Variants in RCOR3 observed in about 807,000 individuals in gnomAD.
The protein encoded by RCOR3 is REST corepressor 3.
Under a neutral mutation model 64.1 loss-of-function variants are expected in RCOR3, and 13 were observed. That is an observed-to-expected ratio of 0.20 (90% CI 0.13 to 0.32). The LOEUF (loss-of-function observed/expected upper bound fraction) is 0.32. Among genes scored for constraint, RCOR3 ranks in the 10% least tolerant of loss-of-function variants. The pLI is 1.00. For synonymous variants in RCOR3, 215 were observed against 239.0 expected (o/e 0.90, Z 0.93); for missense variants, 489 against 701.2 (o/e 0.70, Z 3.42).
At chr1:211,271,802 G>T (rs1056022571) in intron 3 of RCOR3, 7 of 231,134 alleles carry the variant, frequency 3.0e-5, no homozygotes, top group Middle Eastern at 1.9e-3. Flanking sequence ...TTGAATCATG[G>T]TGTGGCTTTA....
chr1:211,259,924 GC>G (rs1166189134), intron 1 of RCOR3, 183 bp from the exon 2 acceptor site: 859 of 455,666 alleles, frequency 1.9e-3, no homozygotes, highest in East Asian at 2.6e-3. Context: ...CTCCGCCTTT[GC>G]CCCCCCCCGC....
chr1:211,310,126 G>A (rs768501591), intron 10 of RCOR3, among the ~76,000 whole-genome samples: 1 of 152,148 alleles, frequency 6.6e-6, no homozygotes, highest in Non-Finnish European at 1.5e-5. Flanking sequence ...CAGCATTGTA[G>A]TAATGCTAGT....
chr1:211,264,903 A>G (rs995912034), intron 2 of RCOR3, among the ~76,000 whole-genome samples: 31 of 152,192 alleles, frequency 2.0e-4, no homozygotes, highest in South Asian at 4.1e-4. Context: ...TACTTACATC[A>G]TGAGGAACAA....
intron 10 of RCOR3, among the ~76,000 whole-genome samples, chr1:211,311,916 T>C (rs1423221918): frequency 6.6e-6 from 1 of 152,152 alleles, no homozygotes; most frequent in African/African-American, 2.4e-5. Flanking sequence ...GAAACTTCCT[T>C]AGTGTAAAGT....
In RCOR3 at chr1:211,259,457, C is replaced by T; in HGVS notation, c.-104C>T. Reference sequence around the variant, plus strand: ...CCTCCTCCTCCGCCGCCGCCGCCGTCTCCTCCTCCTCCTCCTTTCCCTCCC... The same window carrying T: ...CCTCCTCCTCCGCCGCCGCCGCCGTTTCCTCCTCCTCCTCCTTTCCCTCCC... On this transcript the variant is annotated 5_prime_UTR_variant, in exon 1 of 12. Coordinates refer to ENST00000419091, the MANE Select transcript of RCOR3 (RefSeq NM_001136223.3). The T allele has an allele frequency of 1.1e-6, 1 of 915,700 alleles. No individual in the cohort carries two copies. The highest frequency in any genetic ancestry group is 1.5e-6 in the Non-Finnish European group (1 of 647,684). The allele number at this position is 915,700 out of a possible 1,614,324, so 56.7% of individuals were successfully genotyped here. A position where few individuals can be genotyped will look rare whatever the true frequency, so the allele number is the denominator to read the frequency against.
intron 3 of RCOR3, among the ~76,000 whole-genome samples, chr1:211,273,957 T>C (rs1696603179): frequency 3.3e-5 from 5 of 152,140 alleles, no homozygotes; most frequent in Admixed American, 3.3e-4. Context: ...AAAAATACAG[T>C]AATGTCATTG....
intron 8 of RCOR3, 113 bp downstream of exon 8, chr1:211,289,509 T>C (rs1432338183): frequency 5.0e-6 from 4 of 797,930 alleles, no homozygotes; most frequent in Admixed American, 2.8e-5. Context: ...CATCCACTTA[T>C]GCAGGTTTCA....
intron 10 of RCOR3, among the ~76,000 whole-genome samples, chr1:211,310,862 G>A (rs1701406806): frequency 6.6e-6 from 1 of 152,108 alleles, no homozygotes; most frequent in Non-Finnish European, 1.5e-5. Flanking sequence ...CTTATTTAAG[G>A]TTTTCACTTC....
Position 211,285,953 on chromosome 1 carries a change from G to A in RCOR3, c.721-3225G>A, listed in dbSNP as rs927849519. 5.3e-5 allele frequency among the ~76,000 whole-genome samples: 8 copies of A among 152,140 alleles called. No individual in the cohort carries two copies. The East Asian group carries it at 1.5e-3, about 29-fold the overall frequency. The stretch of plus-strand genomic sequence containing the variant: ...CTCTTTTATTGGCTTCTGCCTTGAA[G>A]ATTATTTTATCTGTTATGTTGATAG... On this transcript the variant is annotated intron_variant, in intron 7 of 11. Transcript: ENST00000419091.
At chr1:211,275,504 CTATTTA>C (rs889122215) in intron 4 of RCOR3, among the ~76,000 whole-genome samples, 1 of 152,036 alleles carries the variant, frequency 6.6e-6, no homozygotes, top group Non-Finnish European at 1.5e-5. Flanking sequence ...AACAAACTCA[CTATTTA>C]TAAAGTTCCT....
chr1:211,280,558 A>G (rs774911601), intron 7 of RCOR3, among the ~76,000 whole-genome samples: 5 of 152,156 alleles, frequency 3.3e-5, no homozygotes, highest in Non-Finnish European at 5.9e-5. Flanking sequence ...TTCTTTTCCT[A>G]TACAATTTCA....
At chr1:211,281,912 ATT>A (rs1275529322) in intron 7 of RCOR3, among the ~76,000 whole-genome samples, 1 of 152,126 alleles carries the variant, frequency 6.6e-6, no homozygotes. Flanking sequence ...GCAAGAATAT[ATT>A]TTAACTATTT....
At chr1:211,304,360 G>T (rs1700660088) in intron 10 of RCOR3, among the ~76,000 whole-genome samples, 1 of 152,136 alleles carries the variant, frequency 6.6e-6, no homozygotes, top group Non-Finnish European at 1.5e-5. Context: ...TGCATTCTCA[G>T]CACTAAATAA....
intron 2 of RCOR3, among the ~76,000 whole-genome samples, chr1:211,260,536 A>G (rs899752613): frequency 1.3e-5 from 2 of 152,272 alleles, no homozygotes; most frequent in African/African-American, 4.8e-5. Flanking sequence ...GCAAATGTCA[A>G]TTGCCACCTC....
At chr1:211,270,994 A>G (rs1337183113) in intron 2 of RCOR3, among the ~76,000 whole-genome samples, 2 of 151,938 alleles carry the variant, frequency 1.3e-5, no homozygotes, top group South Asian at 2.1e-4. Context: ...AGCTGGGACT[A>G]CAGGTGCCTG....
chr1:211,308,665 T>G (rs1701123911), intron 10 of RCOR3, among the ~76,000 whole-genome samples: 2 of 25,562 alleles, frequency 7.8e-5, no homozygotes, highest in African/African-American at 1.8e-4. Flanking sequence ...GGATGTGTTT[T>G]TTTTTTTGTT....
At chr1:211,297,833 T>C (rs945863184) in intron 9 of RCOR3, among the ~76,000 whole-genome samples, 12 of 152,208 alleles carry the variant, frequency 7.9e-5, no homozygotes, top group African/African-American at 2.9e-4. Context: ...GTAAAGAACT[T>C]GAAGAATCAG....
chr1:211,306,084 G>A (rs1290930156), intron 10 of RCOR3, among the ~76,000 whole-genome samples: 4 of 151,834 alleles, frequency 2.6e-5, no homozygotes, highest in Non-Finnish European at 5.9e-5. Flanking sequence ...TCATTTTTGG[G>A]TTTTTGTTGT....
chr1:211,272,257 G>C (rs1696305858), intron 3 of RCOR3, among the ~76,000 whole-genome samples: 1 of 152,214 alleles, frequency 6.6e-6, no homozygotes, highest in East Asian at 1.9e-4. Context: ...CATCTGGCCT[G>C]AGACTGTTTA....
Sources: gnomAD v4.1 joint callset for allele counts (sites outside exome capture counted in the v4.1 genomes callset) on GRCh38, gnomAD v4.1.1 for gene constraint, MANE v1.5 for transcripts, NCBI Gene and HGNC (gene_info 2026-07-23, HGNC 2026-07-21) for gene names.